ZFAT: variants seen among roughly 807,000 people sequenced by gnomAD.
ZFAT encodes the protein zinc finger and AT-hook domain containing, also known as zinc finger protein ZFAT.
ZFAT carries 64 observed loss-of-function variants against 117.7 expected under a neutral mutation model. The observed-to-expected ratio is 0.54, with a 90% CI of 0.44 to 0.67. ZFAT has a LOEUF of 0.67. ZFAT is among the 30% of genes least tolerant of loss of function. The probability of loss-of-function intolerance (pLI) is 0.00; values close to 1 mark genes in which losing one functional copy is unlikely to be tolerated. For synonymous variants in ZFAT, 679 were observed against 615.0 expected (o/e 1.10, Z -1.54); for missense variants, 1,433 against 1,584.5 (o/e 0.90, Z 1.62).
At chr8:134,731,504 A>G in the ZFAT span, among the ~76,000 whole-genome samples, 1 of 152,238 alleles carries the variant, frequency 6.6e-6, no homozygotes, top group African/African-American at 2.4e-5. Flanking sequence ...CTGTCATTGT[A>G]GTGCAAAAGC....
chr8:134,831,540 G>A, the ZFAT span, among the ~76,000 whole-genome samples: 1 of 152,234 alleles, frequency 6.6e-6, no homozygotes, highest in Non-Finnish European at 1.5e-5. Context: ...CTTCACCCGA[G>A]TTTTGCTGTG....
chr8:134,701,150 T>C (rs1833998484), intron 1 of ZFAT, among the ~76,000 whole-genome samples: 1 of 152,150 alleles, frequency 6.6e-6, no homozygotes, highest in Admixed American at 6.5e-5. Context: ...AAACCGAAAC[T>C]CTATGTCCAT....
At chr8:134,757,307 G>A in the ZFAT span, among the ~76,000 whole-genome samples, 1 of 152,000 alleles carries the variant, frequency 6.6e-6, no homozygotes, top group Non-Finnish European at 1.5e-5. Flanking sequence ...GTGAGCCACC[G>A]CACCCAGCCC....
intron 11 of ZFAT, among the ~76,000 whole-genome samples, chr8:134,538,065 A>G (rs1226358492): frequency 6.6e-6 from 1 of 152,224 alleles, no homozygotes; most frequent in African/African-American, 2.4e-5. Context: ...TCAGGGCACA[A>G]GCAACTAGCA....
Position 134,509,756 on chromosome 8 carries a change from A to G in ZFAT, c.3362-7T>C, listed in dbSNP as rs1220079037. Reference sequence around the variant, plus strand: ...GTGGGGTCCAGTCGGTCGCCTTAAGAGGAAGAAGCAAAGAGGACACCATTC... The same window carrying G: ...GTGGGGTCCAGTCGGTCGCCTTAAGGGGAAGAAGCAAAGAGGACACCATTC... On this transcript the variant is annotated splice_polypyrimidine_tract_variant and splice_region_variant and intron_variant, in intron 14 of 15. Transcript: ENST00000377838. 2 of 1,592,740 alleles carry G rather than the reference A, an allele frequency of 1.3e-6. No homozygotes were observed. Among genetic ancestry groups the G allele is most frequent in the East Asian group, 2.2e-5 (1 of 44,622 alleles).
the ZFAT span, among the ~76,000 whole-genome samples, chr8:134,718,519 A>G: frequency 6.6e-6 from 1 of 152,174 alleles, no homozygotes; most frequent in South Asian, 2.1e-4. Context: ...AGTTTAGGAA[A>G]AGGGTGACTA....
intron 13 of ZFAT, among the ~76,000 whole-genome samples, chr8:134,515,239 G>T (rs567563030): frequency 3.3e-5 from 5 of 152,156 alleles, no homozygotes; most frequent in African/African-American, 4.8e-5. Context: ...CCAAGTCTTT[G>T]CTATTGTGAA....
the ZFAT span, among the ~76,000 whole-genome samples, chr8:134,786,429 A>T: frequency 6.6e-6 from 1 of 152,184 alleles, no homozygotes; most frequent in African/African-American, 2.4e-5. Flanking sequence ...TTCATCTATT[A>T]AGAGGATGTT....
At chr8:134,563,308 T>C (rs1421803419) in intron 11 of ZFAT, among the ~76,000 whole-genome samples, 4 of 152,198 alleles carry the variant, frequency 2.6e-5, no homozygotes, top group African/African-American at 9.6e-5. Flanking sequence ...AATTTCTCCC[T>C]TTCTGCCCCC....
At chr8:134,553,751 C>G (rs1293987487) in intron 11 of ZFAT, among the ~76,000 whole-genome samples, 4 of 152,192 alleles carry the variant, frequency 2.6e-5, no homozygotes, top group African/African-American at 9.6e-5. Flanking sequence ...TACTTCCTGA[C>G]TAATCACAAT....
chr8:134,535,678 C>T (rs1028269651), intron 11 of ZFAT, among the ~76,000 whole-genome samples: 2 of 151,826 alleles, frequency 1.3e-5, no homozygotes, highest in Admixed American at 6.6e-5. Flanking sequence ...GGAGTTTGGC[C>T]CACAGCATTT....
At chr8:134,673,907 G>A (rs922295328) in intron 1 of ZFAT, among the ~76,000 whole-genome samples, 1 of 152,198 alleles carries the variant, frequency 6.6e-6, no homozygotes, top group African/African-American at 2.4e-5. Context: ...GAGGTCAAGA[G>A]TTCGAGACCA....
chr8:134,742,977 G>A, the ZFAT span, among the ~76,000 whole-genome samples: 10 of 152,310 alleles, frequency 6.6e-5, no homozygotes, highest in African/African-American at 1.2e-4. Context: ...TCAGGTCCAC[G>A]TTAGACTTGC....
intron 1 of ZFAT, among the ~76,000 whole-genome samples, chr8:134,706,743 G>C (rs953202972): frequency 1.3e-5 from 2 of 152,008 alleles, no homozygotes; most frequent in Non-Finnish European, 2.9e-5. Context: ...TGAGGAGCAG[G>C]GATGGGATAG....
At chr8:134,805,022 T>G in the ZFAT span, 1 of 465,928 alleles carries the variant, frequency 2.1e-6, no homozygotes, top group South Asian at 1.6e-5. Context: ...TAATAATTTA[T>G]ATAATTTCTA....
chr8:134,522,758 C>T (rs1202850919), intron 12 of ZFAT, among the ~76,000 whole-genome samples: 3 of 152,206 alleles, frequency 2.0e-5, no homozygotes, highest in Non-Finnish European at 4.4e-5. Context: ...GGCCACACTT[C>T]CAACCTCAAG....
chr8:134,543,340 C>A (rs1822427522), intron 11 of ZFAT, among the ~76,000 whole-genome samples: 1 of 152,234 alleles, frequency 6.6e-6, no homozygotes, highest in Non-Finnish European at 1.5e-5. Flanking sequence ...AGATGACCTG[C>A]CCACACCTCT....
intron 13 of ZFAT, among the ~76,000 whole-genome samples, chr8:134,515,324 C>T (rs1025347090): frequency 6.6e-6 from 1 of 152,146 alleles, no homozygotes; most frequent in East Asian, 1.9e-4. Context: ...GGTATATGCC[C>T]AGTAATGGGA....
intron 1 of ZFAT, among the ~76,000 whole-genome samples, chr8:134,677,664 C>T (rs1832870293): frequency 6.6e-6 from 1 of 152,158 alleles, no homozygotes; most frequent in Non-Finnish European, 1.5e-5. Flanking sequence ...AAAATTTAGG[C>T]CAATATCCTG....
Sources: allele counts gnomAD v4.1 joint callset (sites outside exome capture counted in the v4.1 genomes callset), GRCh38; gene constraint gnomAD v4.1.1; transcripts MANE v1.5; gene names NCBI Gene and HGNC (gene_info 2026-07-23, HGNC 2026-07-21).